HAUS2: variants seen among roughly 807,000 people sequenced by gnomAD.
HAUS2 encodes the protein HAUS augmin-like complex subunit 2.
In HAUS2, 20 loss-of-function variants were observed where a neutral mutation model predicts 21.6. The observed-to-expected ratio is 0.93, with a 90% CI of 0.65 to 1.35. The LOEUF (loss-of-function observed/expected upper bound fraction) is 1.35. HAUS2 is among the 40% of genes most tolerant of loss of function. The probability of loss-of-function intolerance (pLI) is 0.00; values close to 1 mark genes in which losing one functional copy is unlikely to be tolerated. For missense variants in HAUS2, 297 were observed against 280.7 expected, an observed-to-expected ratio of 1.06 and a Z score of -0.42; for synonymous variants, 113 against 95.6, an observed-to-expected ratio of 1.18 and a Z score of -1.06.
In HAUS2 at chr15:42,562,024, A is replaced by T. The variant is rs557020607; in HGVS notation, c.389+622A>T. On this transcript the variant is annotated intron_variant, in intron 4 of 5. Transcript: ENST00000260372. ...AAACCCTGTTTCTACAAAAAAAAAA[A>T]ATATAAAAATTAGCAACACATGATG... 1.4e-3 allele frequency among the ~76,000 whole-genome samples: 207 copies of T among 152,222 alleles called. 2 individuals carry two copies. Among genetic ancestry groups the T allele is most frequent in the South Asian group, 0.011 (51 of 4,822 alleles).
Position 42,568,493 on chromosome 15 carries a change from T to C in HAUS2, c.*1677T>C, listed in dbSNP as rs2057928665. ...TCCTTACCTAATTACTTTTTAAAGG[T>C]CTCATAACACTTTTACAATGTCAAT... On this transcript the variant is annotated 3_prime_UTR_variant, in exon 6 of 6. Coordinates refer to ENST00000260372, the MANE Select transcript of HAUS2 (RefSeq NM_018097.3). The C allele has an allele frequency of 6.6e-6, 1 of 152,230 alleles. No individual in the cohort carries two copies. The highest frequency in any genetic ancestry group is 2.1e-4 in the South Asian group (1 of 4,834). The allele number at this position is 152,230 out of a possible 1,614,324, so 9.4% of individuals were successfully genotyped here.
At chr15:42,556,570 A>C (rs1007991847) in intron 1 of HAUS2, among the ~76,000 whole-genome samples, 1 of 151,990 alleles carries the variant, frequency 6.6e-6, no homozygotes, top group African/African-American at 2.4e-5. Context: ...GCCTGTTATA[A>C]AATATTGTCT....
intron 1 of HAUS2, among the ~76,000 whole-genome samples, chr15:42,552,490 C>G (rs2057735880): frequency 6.6e-6 from 1 of 151,994 alleles, no homozygotes; most frequent in Non-Finnish European, 1.5e-5. Context: ...TGAGTGATTC[C>G]TAAAATTGTG....
At chr15:42,551,938 A>G (rs2057729962) in intron 1 of HAUS2, among the ~76,000 whole-genome samples, 2 of 152,136 alleles carry the variant, frequency 1.3e-5, no homozygotes, top group Non-Finnish European at 2.9e-5. Context: ...GCTAGTCCCA[A>G]TGAGGGAGCT....
chr15:42,566,876 T>C lies in HAUS2; in HGVS notation c.*60T>C. On this transcript the variant is annotated 3_prime_UTR_variant, in exon 6 of 6. Transcript: ENST00000260372. ...CATATGAAGTCTATTTCTAGTTGAC[T>C]GTAACATGGGTATTAATAGTCTTTG... 1 of 794,212 alleles carries C rather than the reference T, an allele frequency of 1.3e-6. No individual in the cohort carries two copies. The highest frequency in any genetic ancestry group is 1.5e-5 in the South Asian group (1 of 66,754). The allele number at this position is 794,212 out of a possible 1,614,324, so 49.2% of individuals were successfully genotyped here.
At chr15:42,553,497 G>A (rs868367327) in intron 1 of HAUS2, among the ~76,000 whole-genome samples, 1 of 149,052 alleles carries the variant, frequency 6.7e-6, no homozygotes, top group Non-Finnish European at 1.5e-5. Context: ...TTTTAAATGT[G>A]TTAAACTAAG....
chr15:42,557,361 A>G, intron 1 of HAUS2, among the ~76,000 whole-genome samples: 1 of 9,730 alleles, frequency 1.0e-4, no homozygotes, highest in African/African-American at 1.8e-4. Flanking sequence ...TATAATATAT[A>G]TTTTATATAT....
In HAUS2 at chr15:42,561,369, A is replaced by G. The variant is rs200319253; in HGVS notation, c.356A>G (p.Gln119Arg). The change falls in exon 4 of 6, where the codon CAG becomes CGG. Residue 119 changes from glutamine to arginine, a missense_variant. By Grantham distance (43) the Gln-to-Arg change is conservative. Coordinates refer to ENST00000260372, the MANE Select transcript of HAUS2 (RefSeq NM_018097.3). ...LRQRLLKPMC[Q>R]ENLPIEAVYH... Reference sequence around the variant, plus strand: ...CAAAGACTGTTGAAACCCATGTGCCAGGAAAACTTACCTATTGAAGCTGTT... The same window carrying G: ...CAAAGACTGTTGAAACCCATGTGCCGGGAAAACTTACCTATTGAAGCTGTT... 2 of 1,603,598 alleles carry G rather than the reference A, an allele frequency of 1.2e-6. No homozygotes were observed. Among genetic ancestry groups the G allele is most frequent in the African/African-American group, 1.3e-5 (1 of 74,882 alleles).
chr15:42,563,844 A>G lies in HAUS2; in HGVS notation c.485A>G (p.Asn162Ser), dbSNP rs774218078. The G allele has an allele frequency of 6.8e-7, 1 of 1,469,424 alleles. No homozygotes were observed. The highest frequency in any genetic ancestry group is 9.5e-7 in the Non-Finnish European group (1 of 1,057,238). The allele number at this position is 1,469,424 out of a possible 1,614,324, so 91.0% of individuals were successfully genotyped here. The change falls in exon 5 of 6, where the codon AAT becomes AGT. Residue 162 changes from asparagine (N) to serine (S), a missense_variant. Physicochemically the swap from Asn to Ser is conservative, Grantham distance 46 (BLOSUM62 1). Coordinates refer to ENST00000260372, the MANE Select transcript of HAUS2 (RefSeq NM_018097.3). ...TIRNIPHLAA[N>S]LKKMNQALAK... ...AGAAATATTCCTCATTTAGCTGCAA[A>G]TCTAAAGAAAATGGTGAGTATTAAT...
At chr15:42,556,850 C>CA (rs556250001) in intron 1 of HAUS2, among the ~76,000 whole-genome samples, 3,548 of 108,318 alleles carry the variant, frequency 0.033, 71 homozygotes, top group Middle Eastern at 0.061. Context: ...ACTAAAAATA[C>CA]AAAAAAAAAA....
At chr15:42,553,253 GGGATTACAGGCCA>G (rs1269089675) in intron 1 of HAUS2, among the ~76,000 whole-genome samples, 2 of 151,996 alleles carry the variant, frequency 1.3e-5, no homozygotes, top group Non-Finnish European at 2.9e-5. Flanking sequence ...CCAAAGTGCT[GGGATTACAGGCCA>G]GGATTTTTAT....
At position 42,548,861 on chromosome 15, in the gene HAUS2, T is replaced by C. The variant is rs758573008; in HGVS notation, c.-12T>C. The C allele has an allele frequency of 5.2e-6, 8 of 1,544,556 alleles. No individual in the cohort carries two copies. The highest frequency in any genetic ancestry group is 6.1e-6 in the Non-Finnish European group (7 of 1,142,908). On this transcript the variant is annotated 5_prime_UTR_variant, in exon 1 of 6. Transcript: ENST00000260372. ...TCACTCTTGGCGCCTTCGCGGAAGG[T>C]GCGTCCGAGCCATGGCCGCTGCCAA... is the stretch of plus-strand genomic sequence containing the variant.
At chr15:42,556,225 A>G (rs2057772898) in intron 1 of HAUS2, among the ~76,000 whole-genome samples, 1 of 132,816 alleles carries the variant, frequency 7.5e-6, no homozygotes. Context: ...GCCTCCCAAA[A>G]TGTTGGGATT....
At chr15:42,560,816 CG>C in intron 3 of HAUS2, 1 of 702,050 alleles carries the variant, frequency 1.4e-6, no homozygotes, top group East Asian at 2.7e-5. Flanking sequence ...AGGCTGGTCT[CG>C]AACTCATGGC....
intron 1 of HAUS2, among the ~76,000 whole-genome samples, chr15:42,553,418 T>C (rs1343222146): frequency 6.6e-6 from 1 of 152,114 alleles, no homozygotes; most frequent in East Asian, 1.9e-4. Flanking sequence ...AATAGCAATA[T>C]ATAGTAACAA....
At chr15:42,559,462 T>C in intron 3 of HAUS2, 54 bp downstream of exon 3, 1 of 993,210 alleles carries the variant, frequency 1.0e-6, no homozygotes, top group Middle Eastern at 2.1e-4. Context: ...TTTCTTGGAT[T>C]ACTGTAAATA....
chr15:42,558,622 C>T (rs1191934329), intron 2 of HAUS2, among the ~76,000 whole-genome samples: 4 of 151,746 alleles, frequency 2.6e-5, no homozygotes, highest in African/African-American at 7.3e-5. Flanking sequence ...CCACTGCGCC[C>T]GGCCTGAACT....
At chr15:42,559,221 C>A in intron 2 of HAUS2, 118 bp from the exon 3 acceptor site, 1 of 638,268 alleles carries the variant, frequency 1.6e-6, no homozygotes, top group Non-Finnish European at 2.9e-6. Flanking sequence ...TACATCCTGA[C>A]CTCTGGTGAT....
intron 1 of HAUS2, among the ~76,000 whole-genome samples, chr15:42,550,585 G>A (rs931296254): frequency 1.3e-5 from 2 of 152,184 alleles, no homozygotes; most frequent in Non-Finnish European, 2.9e-5. Context: ...TGGGTGATGG[G>A]GAGATTCAGG....
Sources: allele counts gnomAD v4.1 joint callset (sites outside exome capture counted in the v4.1 genomes callset), GRCh38; gene constraint gnomAD v4.1.1; transcripts MANE v1.5; gene names NCBI Gene and HGNC (gene_info 2026-07-23, HGNC 2026-07-21).